CCDC3: variants seen among roughly 807,000 people sequenced by gnomAD.
CCDC3 encodes the protein coiled-coil domain-containing protein 3.
CCDC3 carries 24 observed loss-of-function variants against 21.4 expected under a neutral mutation model. The ratio of observed to expected loss-of-function variants is 1.12; its 90% confidence interval spans 0.81 to 1.58. CCDC3 has a LOEUF of 1.58. CCDC3 is among the 40% of genes most tolerant of loss of function. CCDC3 has a pLI of 0.00. For missense variants in CCDC3, 425 were observed against 360.9 expected (o/e 1.18, Z -1.44); for synonymous variants, 186 against 166.0 (o/e 1.12, Z -0.93).
chr10:12,968,202 T>TAAACACACACACAC (rs145144914), intron 2 of CCDC3, among the ~76,000 whole-genome samples: 91 of 143,586 alleles, frequency 6.3e-4, no homozygotes, highest in Non-Finnish European at 1.2e-3. Flanking sequence ...CACACACACA[T>TAAACACACACACAC]ACACACACAC....
At chr10:13,078,769 C>T (rs1836996706) in intron 3 of CCDC3, among the ~76,000 whole-genome samples, 1 of 150,250 alleles carries the variant, frequency 6.7e-6, no homozygotes, top group South Asian at 2.1e-4. Context: ...GACAGAAAAC[C>T]AAACACCACA....
At chr10:13,018,819 A>T (rs1222118281) in intron 5 of CCDC3, among the ~76,000 whole-genome samples, 1 of 151,968 alleles carries the variant, frequency 6.6e-6, no homozygotes, top group African/African-American at 2.4e-5. Context: ...TTCTAATCTC[A>T]GCTACTCAGG....
intron 2 of CCDC3, among the ~76,000 whole-genome samples, chr10:12,980,828 A>T (rs1835485497): frequency 6.6e-6 from 1 of 152,038 alleles, no homozygotes; most frequent in South Asian, 2.1e-4. Context: ...CAATGAAGCA[A>T]ACAGCTACAG....
intron 2 of CCDC3, among the ~76,000 whole-genome samples, chr10:12,936,789 T>G (rs922723915): frequency 6.6e-6 from 1 of 152,142 alleles, no homozygotes. Flanking sequence ...GGCACACACC[T>G]ATAGTCCCAG....
At chr10:12,960,403 T>C (rs1183539671) in intron 2 of CCDC3, among the ~76,000 whole-genome samples, 1 of 151,982 alleles carries the variant, frequency 6.6e-6, no homozygotes, top group Non-Finnish European at 1.5e-5. Context: ...AGAGAGACAG[T>C]CTGAGTCCTG....
intron 2 of CCDC3, among the ~76,000 whole-genome samples, chr10:12,974,242 A>T (rs1835382433): frequency 6.6e-6 from 1 of 152,246 alleles, no homozygotes; most frequent in Non-Finnish European, 1.5e-5. Context: ...ACAGAGCCAG[A>T]TGTGCGAACT....
chr10:13,018,792 G>A (rs11258130), intron 5 of CCDC3, among the ~76,000 whole-genome samples: 23,885 of 151,748 alleles, frequency 0.16, 2,216 homozygotes, highest in Admixed American at 0.23. Context: ...AAATCAGCTG[G>A]GCGAGGTGGT....
At chr10:13,057,777 G>A (rs1055581396) in intron 4 of CCDC3, 33 of 233,046 alleles carry the variant, frequency 1.4e-4, no homozygotes, top group African/African-American at 7.4e-4. Flanking sequence ...CTACTCAGGA[G>A]GCTGAGGTAG....
chr10:12,898,730 G>C (rs748398603), intron 2 of CCDC3, 51 bp from the exon 3 acceptor site: 1 of 1,591,224 alleles, frequency 6.3e-7, no homozygotes, highest in East Asian at 2.3e-5. Flanking sequence ...CAGAAACTGC[G>C]CTGCGGCCAG....
chr10:13,097,227 A>G (rs1280711561), intron 3 of CCDC3, among the ~76,000 whole-genome samples: 1 of 152,234 alleles, frequency 6.6e-6, no homozygotes, highest in Non-Finnish European at 1.5e-5. Context: ...CGCTGCATTT[A>G]GATTCCATCT....
At chr10:13,044,448 T>C (rs4546993) in intron 5 of CCDC3, among the ~76,000 whole-genome samples, 96,946 of 152,056 alleles carry the variant, frequency 0.64, 31,618 homozygotes, top group East Asian at 0.72. Flanking sequence ...GAATGGTGTT[T>C]CCTAGGTTTT....
intron 3 of CCDC3, among the ~76,000 whole-genome samples, chr10:13,096,814 C>G (rs1227985995): frequency 6.6e-6 from 1 of 152,166 alleles, no homozygotes; most frequent in Non-Finnish European, 1.5e-5. Flanking sequence ...CCTTGATGCT[C>G]ATAAGACCAC....
chr10:12,942,543 TTC>T (rs144740814), intron 2 of CCDC3, among the ~76,000 whole-genome samples: 4,217 of 152,248 alleles, frequency 0.028, 80 homozygotes, highest in Non-Finnish European at 0.042. Flanking sequence ...GTGAGTCATG[TTC>T]AACATGGACG....
At chr10:12,969,862 C>G (rs1358183202) in intron 2 of CCDC3, among the ~76,000 whole-genome samples, 1 of 151,012 alleles carries the variant, frequency 6.6e-6, no homozygotes, top group Non-Finnish European at 1.5e-5. Context: ...CACAGAAAAG[C>G]AAAATACCAT....
chr10:13,058,864 A>G (rs1836716648), intron 4 of CCDC3, among the ~76,000 whole-genome samples: 1 of 152,220 alleles, frequency 6.6e-6, no homozygotes, highest in South Asian at 2.1e-4. Flanking sequence ...CCCGCAGCTA[A>G]TTAATAGCCA....
At chr10:13,020,812 A>T (rs1836135711) in intron 5 of CCDC3, among the ~76,000 whole-genome samples, 2 of 152,236 alleles carry the variant, frequency 1.3e-5, no homozygotes, top group South Asian at 4.1e-4. Flanking sequence ...TAGCCAAGAG[A>T]TTCATCTTAC....
At chr10:13,018,531 G>A (rs545888461) in intron 5 of CCDC3, among the ~76,000 whole-genome samples, 2 of 152,124 alleles carry the variant, frequency 1.3e-5, no homozygotes, top group Non-Finnish European at 2.9e-5. Flanking sequence ...AGCTGCACAG[G>A]GGACTTAAAA....
intron 3 of CCDC3, among the ~76,000 whole-genome samples, chr10:13,075,723 T>G (rs979587928): frequency 3.3e-5 from 5 of 152,110 alleles, no homozygotes; most frequent in African/African-American, 1.2e-4. Context: ...TTAACCAATT[T>G]GCTCAGTGCA....
chr10:13,064,305 G>A (rs1836797925), intron 4 of CCDC3, among the ~76,000 whole-genome samples: 1 of 152,140 alleles, frequency 6.6e-6, no homozygotes, highest in African/African-American at 2.4e-5. Flanking sequence ...TATTAAACCT[G>A]TTTTACAGAT....
Sources: gnomAD v4.1 joint callset for allele counts (sites outside exome capture counted in the v4.1 genomes callset) on GRCh38, gnomAD v4.1.1 for gene constraint, MANE v1.5 for transcripts, NCBI Gene and HGNC (gene_info 2026-07-23, HGNC 2026-07-21) for gene names.